The following NBPF3 variants were observed in gnomAD, a reference collection of about 807,000 sequenced individuals.
The protein encoded by NBPF3 is NBPF member 3.
A neutral mutation model predicts 78.1 loss-of-function variants in NBPF3; 57 were observed. That is an observed-to-expected ratio of 0.73 (90% confidence interval 0.59 to 0.91). The LOEUF is 0.91. NBPF3 is among the 40% of genes least tolerant of loss of function. The pLI is 0.00. For missense variants in NBPF3, 510 were observed against 715.3 expected (o/e 0.71, Z 3.27); for synonymous variants, 182 against 271.7 (o/e 0.67, Z 3.25).
intron 2 of NBPF3, among the ~76,000 whole-genome samples, chr1:21,446,820 G>A (rs1641016086): frequency 6.6e-6 from 1 of 152,070 alleles, no homozygotes; most frequent in Non-Finnish European, 1.5e-5. Context: ...CTGAGTCTCA[G>A]TGGTTTCTAG....
At chr1:21,436,799 T>C, upstream of NBPF3, 1 of 1,111,180 alleles carries the variant, frequency 9.0e-7, no homozygotes, top group Non-Finnish European at 1.1e-6. The surrounding 1 kb of genome is among the most constrained non-coding windows in gnomAD (Gnocchi z 4.3). Context: ...AAGCACCAGC[T>C]GCAGGTCCAG....
At chr1:21,446,946 G>A (rs990730769) in intron 2 of NBPF3, among the ~76,000 whole-genome samples, 3 of 152,224 alleles carry the variant, frequency 2.0e-5, no homozygotes, top group Non-Finnish European at 4.4e-5. Context: ...TATTCCAGGG[G>A]CACCGCAGGG....
chr1:21,477,822 A>G (rs1174873797), intron 8 of NBPF3, among the ~76,000 whole-genome samples: 1 of 152,190 alleles, frequency 6.6e-6, no homozygotes, highest in Non-Finnish European at 1.5e-5. Context: ...ATTCATCCCA[A>G]TTTAGACGAA....
At chr1:21,464,654 G>A (rs1642152194) in intron 2 of NBPF3, among the ~76,000 whole-genome samples, 1 of 149,676 alleles carries the variant, frequency 6.7e-6, no homozygotes, top group Non-Finnish European at 1.5e-5. Context: ...AAGTAATAAA[G>A]CAAGGTGTCT....
chr1:21,446,697 T>G (rs1641006991), intron 2 of NBPF3, among the ~76,000 whole-genome samples: 1 of 151,904 alleles, frequency 6.6e-6, no homozygotes, highest in Non-Finnish European at 1.5e-5. Context: ...AAACCTACAT[T>G]ATTTACCAAA....
intron 3 of NBPF3, 142 bp downstream of exon 3, chr1:21,469,039 G>C (rs1642441720): frequency 1.4e-6 from 1 of 732,958 alleles, no homozygotes; most frequent in Non-Finnish European, 2.3e-6. Flanking sequence ...TTCACATTTT[G>C]TTAAATTGGG....
rs181860823 is a variant in NBPF3, at chr1:21,471,759, C to T, written c.637C>T (p.His213Tyr). 159 of 1,613,118 alleles carry T rather than the reference C, an allele frequency of 9.9e-5. 1 individual carries two copies. In the East Asian group the frequency reaches 2.2e-3, roughly 23 times the overall value. Residue 213 changes from histidine (H) to tyrosine (Y), a missense_variant, in exon 5 of 15, where the codon CAC becomes TAC. Physicochemically the swap from His to Tyr is moderately conservative, Grantham distance 83 (BLOSUM62 2). Coordinates refer to ENST00000318249, the MANE Select transcript of NBPF3 (RefSeq NM_032264.6). ...GGCTGAGGGATGTAGGCTGGCACAG[C>T]ACCTCGTCCAAAAGCTCAGCCCAGG... ...QLAEGCRLAQ[H>Y]LVQKLSPEND...
Position 21,468,722 on chromosome 1 carries a change from C to T in NBPF3, c.168C>T (p.Ser56=). 2 of 1,613,360 alleles carry T rather than the reference C, an allele frequency of 1.2e-6. No individual in the cohort carries two copies. The highest frequency in any genetic ancestry group is 1.7e-6 in the Non-Finnish European group (2 of 1,179,330). ...CCACCTCTTCTGCCACAAACGTCAG[C>T]ATGGTGGTATCTGCCGGCCCTTGGT... ...PGPTSSATNV[S]MVVSAGPWSG... Residue 56 remains serine, a synonymous_variant, in exon 3 of 15, where the codon AGC becomes AGT. Coordinates refer to ENST00000318249, the MANE Select transcript of NBPF3 (RefSeq NM_032264.6).
At chr1:21,459,575 C>T (rs4654748) in intron 2 of NBPF3, among the ~76,000 whole-genome samples, 59,119 of 151,790 alleles carry the variant, frequency 0.39, 13,594 homozygotes, top group East Asian at 0.56. Context: ...GGGTAATGTC[C>T]CCCAAAATTA....
chr1:21,462,945 C>T (rs1366882545), intron 2 of NBPF3, among the ~76,000 whole-genome samples: 1 of 152,218 alleles, frequency 6.6e-6, no homozygotes, highest in Non-Finnish European at 1.5e-5. Context: ...TATATTGACA[C>T]TGAACTCTCC....
chr1:21,456,510 TAAA>T (rs910573459), intron 2 of NBPF3, among the ~76,000 whole-genome samples: 1 of 152,180 alleles, frequency 6.6e-6, no homozygotes, highest in Non-Finnish European at 1.5e-5. Flanking sequence ...AGTTTATAAT[TAAA>T]AAAACTGTCC....
chr1:21,459,796 G>A, intron 2 of NBPF3: 1 of 306,758 alleles, frequency 3.3e-6, no homozygotes, highest in Non-Finnish European at 6.8e-6. Context: ...TTGAAGGTGG[G>A]GGCTCCACCG....
At chr1:21,459,491 A>G (rs1641825505) in intron 2 of NBPF3, among the ~76,000 whole-genome samples, 2 of 152,320 alleles carry the variant, frequency 1.3e-5, no homozygotes, top group African/African-American at 2.4e-5. Context: ...CAGGAGGGCT[A>G]TGGGTAGAGG....
rs1441343567 is a variant in NBPF3, at chr1:21,460,485, C to G, written c.134-8203C>G. 6.6e-6 allele frequency among the ~76,000 whole-genome samples: 1 copy of G among 152,106 alleles called. No individual in the cohort carries two copies. Among genetic ancestry groups the G allele is most frequent in the Non-Finnish European group, 1.5e-5 (1 of 68,038 alleles). On this transcript the variant is annotated intron_variant, in intron 2 of 14. Transcript: ENST00000318249. This position sits in a 1 kb window ranked among gnomAD's most constrained non-coding sequence, Gnocchi z 4.2. Reference sequence around the variant, plus strand: ...TGAGAACGTGCTCACGCTGCTACTTCTAAATGTTTTAAAAACAAAGACACC... The same window carrying G: ...TGAGAACGTGCTCACGCTGCTACTTGTAAATGTTTTAAAAACAAAGACACC...
intron 2 of NBPF3, among the ~76,000 whole-genome samples, chr1:21,461,084 G>A (rs1641922975): frequency 2.6e-5 from 4 of 152,168 alleles, no homozygotes; most frequent in African/African-American, 9.7e-5. Context: ...AAAATATTAA[G>A]TGTGTGGGAA....
At chr1:21,458,850 C>T (rs1279111873) in intron 2 of NBPF3, among the ~76,000 whole-genome samples, 4 of 152,146 alleles carry the variant, frequency 2.6e-5, no homozygotes, top group Admixed American at 6.5e-5. Context: ...TTAGTGTATA[C>T]ATTTGTAAAC....
intron 2 of NBPF3, among the ~76,000 whole-genome samples, chr1:21,463,271 C>G (rs1642054327): frequency 6.6e-6 from 1 of 152,080 alleles, no homozygotes; most frequent in Non-Finnish European, 1.5e-5. Context: ...CTCTAAAGGG[C>G]CTGAGGAATA....
At chr1:21,472,818 T>C in intron 5 of NBPF3, 25 bp from the exon 6 acceptor site, 1 of 1,564,816 alleles carries the variant, frequency 6.4e-7, no homozygotes, top group Non-Finnish European at 8.8e-7. Context: ...GGGAAATATC[T>C]GAATGAACAC....
intron 3 of NBPF3, among the ~76,000 whole-genome samples, chr1:21,470,064 A>T (rs1226766103): frequency 6.6e-6 from 1 of 152,210 alleles, no homozygotes; most frequent in East Asian, 1.9e-4. Flanking sequence ...AAATTAACAC[A>T]AACCTTAGTA....
Sources: gnomAD v4.1 joint callset for allele counts (sites outside exome capture counted in the v4.1 genomes callset) on GRCh38, gnomAD v4.1.1 for gene constraint, Gnocchi (gnomAD v3.1) non-coding constraint, MANE v1.5 for transcripts, NCBI Gene and HGNC (gene_info 2026-07-23, HGNC 2026-07-21) for gene names.